Variants in DOP1B observed in about 807,000 individuals in gnomAD.
DOP1B encodes the protein protein DOP1B.
A neutral mutation model predicts 233.5 loss-of-function variants in DOP1B; 174 were observed. The ratio of observed to expected loss-of-function variants is 0.75; its 90% CI spans 0.66 to 0.85. The LOEUF is 0.85. Ranked by LOEUF, DOP1B falls within the 40% of genes least tolerant of loss-of-function variation. The probability of loss-of-function intolerance (pLI) is 0.00; values close to 1 mark genes in which losing one functional copy is unlikely to be tolerated. For missense variants in DOP1B, 2,652 were observed against 2,846.6 expected (o/e 0.93, Z 1.56); for synonymous variants, 1,190 against 1,185.6 (o/e 1.00, Z -0.08).
intron 2 of DOP1B, chr21:36,168,914 A>T (rs1568996699): frequency 2.0e-6 from 1 of 500,340 alleles, no homozygotes; most frequent in Middle Eastern, 5.8e-4. Flanking sequence ...TTAATTAATA[A>T]TTTTAAAAAA....
intron 2 of DOP1B, among the ~76,000 whole-genome samples, chr21:36,196,405 A>G (rs2835314): frequency 0.62 from 94,842 of 151,980 alleles, 29,875 homozygotes; most frequent in African/African-American, 0.72. Context: ...GAAATTGCCC[A>G]TGAGCAAATG....
Position 36,208,889 on chromosome 21 carries a change from C to G in DOP1B, c.666C>G (p.Thr222=). The G allele has an allele frequency of 6.5e-7, 1 of 1,535,384 alleles. No homozygotes were observed. Among genetic ancestry groups the G allele is most frequent in the Non-Finnish European group, 8.8e-7 (1 of 1,141,224 alleles). Residue 222 remains threonine (T), a synonymous_variant, in exon 5 of 37, where the codon ACC becomes ACG. Transcript: ENST00000691173. ...GGGAGCAGAAGTACATGCTGGGGAC[C>G]AATCACCAACTCACGGTGGGTGCTG... ...PGREQKYMLG[T]NHQLTVKSLR...
chr21:36,277,489 G>C (rs915629410), intron 28 of DOP1B, among the ~76,000 whole-genome samples: 5 of 151,842 alleles, frequency 3.3e-5, no homozygotes, highest in Non-Finnish European at 5.9e-5. Flanking sequence ...CACTGTGTTG[G>C]CCAGGATGGT....
At chr21:36,259,322 G>A (rs949698973) in intron 23 of DOP1B, among the ~76,000 whole-genome samples, 2 of 147,868 alleles carry the variant, frequency 1.4e-5, no homozygotes, top group Admixed American at 6.9e-5. Context: ...CTAGCCTAGA[G>A]TGCAGTGGCG....
intron 1 of DOP1B, among the ~76,000 whole-genome samples, 165 bp downstream of exon 1, chr21:36,157,108 G>T (rs533125855): frequency 6.6e-6 from 1 of 152,218 alleles, no homozygotes; most frequent in Admixed American, 6.5e-5. Context: ...ACCGGCGCGC[G>T]GCCCGGGCCT....
rs1304394336 is a variant in DOP1B, at chr21:36,169,949, T to TA, written c.138+5079dup. 6.5e-6 allele frequency: 5 copies of TA among 768,424 alleles called. No individual in the cohort carries two copies. The African/African-American group carries it at 8.5e-5, about 13-fold the overall frequency. The allele number at this position is 768,424 out of a possible 1,614,324, so 47.6% of individuals were successfully genotyped here. On this transcript the variant is annotated intron_variant, in intron 2 of 36. Transcript: ENST00000691173. ...ACCACCATAGGTGGTGTCTCCACAG[T>TA]AGTCATGGCCTCTACCACCTCCTTC...
At chr21:36,289,806 C>G (rs956203819) in intron 35 of DOP1B, among the ~76,000 whole-genome samples, 1 of 152,152 alleles carries the variant, frequency 6.6e-6, no homozygotes, top group Non-Finnish European at 1.5e-5. Context: ...AGGCTACACA[C>G]TGTATGATTC....
At chr21:36,242,151 C>CATTATTATT (rs78154894) in intron 18 of DOP1B, among the ~76,000 whole-genome samples, 3,844 of 143,842 alleles carry the variant, frequency 0.027, 167 homozygotes, top group African/African-American at 0.081. Flanking sequence ...GTTCCTTGGG[C>CATTATTATT]ATTATTATTA....
intron 15 of DOP1B, among the ~76,000 whole-genome samples, chr21:36,234,809 T>C (rs1238928857): frequency 6.6e-6 from 1 of 152,118 alleles, no homozygotes; most frequent in Non-Finnish European, 1.5e-5. Flanking sequence ...CCAAAGTGCC[T>C]TACAGGCGTG....
At chr21:36,233,121 T>G in intron 15 of DOP1B, 46 bp downstream of exon 15, 2 of 1,586,736 alleles carry the variant, frequency 1.3e-6, no homozygotes, top group Non-Finnish European at 1.7e-6. Context: ...CTTCTCCCCC[T>G]GAGCAAAACT....
intron 2 of DOP1B, among the ~76,000 whole-genome samples, chr21:36,183,937 C>A (rs1007067899): frequency 3.3e-5 from 5 of 151,848 alleles, no homozygotes; most frequent in Non-Finnish European, 7.4e-5. Flanking sequence ...AGTCTCAACT[C>A]ACTGCAACCT....
intron 2 of DOP1B, among the ~76,000 whole-genome samples, chr21:36,183,775 C>T (rs950626083): frequency 6.6e-6 from 1 of 152,162 alleles, no homozygotes; most frequent in Non-Finnish European, 1.5e-5. Flanking sequence ...TAGCTGCTGC[C>T]TTTTGGAGAG....
intron 2 of DOP1B, among the ~76,000 whole-genome samples, chr21:36,173,433 T>TC (rs1330908014): frequency 6.6e-6 from 1 of 151,336 alleles, no homozygotes; most frequent in Non-Finnish European, 1.5e-5. Context: ...TCTTTTTTTT[T>TC]TTTTTTGAGA....
intron 24 of DOP1B, chr21:36,261,665 T>C (rs2067173553): frequency 1.0e-6 from 1 of 984,828 alleles, no homozygotes; most frequent in African/African-American, 1.7e-5. Flanking sequence ...CCCAGCACTT[T>C]GGGAGGCTAG....
chr21:36,284,869 TTATTA>T (rs1426588514), intron 32 of DOP1B, among the ~76,000 whole-genome samples: 3 of 146,786 alleles, frequency 2.0e-5, no homozygotes, highest in East Asian at 3.9e-4. Flanking sequence ...TAACATGTAA[TTATTA>T]TATTTGTATT....
chr21:36,237,121 G>A (rs1360293719), intron 15 of DOP1B, 141 bp from the exon 16 acceptor site: 1 of 1,181,548 alleles, frequency 8.5e-7, no homozygotes, highest in Non-Finnish European at 1.2e-6. Flanking sequence ...TTGGTGATTT[G>A]TCTCTGAGCA....
At chr21:36,283,331 C>T (rs928671820) in intron 32 of DOP1B, among the ~76,000 whole-genome samples, 3 of 152,172 alleles carry the variant, frequency 2.0e-5, no homozygotes, top group Non-Finnish European at 4.4e-5. Context: ...GATCTGCCCA[C>T]CTTGGCCTCC....
rs1388397734 is a variant in DOP1B, at chr21:36,224,794, G to T, written c.1371-771G>T. ...CAACTAACAATAGTTGATTGGTGGG[G>T]TTACACTTCTCTACAGAAGCTGAAA... On this transcript the variant is annotated intron_variant, in intron 11 of 36. Transcript: ENST00000691173. 2.0e-5 allele frequency among the ~76,000 whole-genome samples: 3 copies of T among 151,458 alleles called. No individual in the cohort carries two copies. In the Admixed American group the frequency reaches 2.0e-4, roughly 10 times the overall value.
intron 2 of DOP1B, among the ~76,000 whole-genome samples, chr21:36,181,522 AC>A (rs1380262424): frequency 2.7e-5 from 4 of 146,566 alleles, no homozygotes; most frequent in Non-Finnish European, 6.0e-5. Context: ...CATGTGATCC[AC>A]CCCCCTCAGC....
Sources: gnomAD v4.1 joint callset for allele counts (sites outside exome capture counted in the v4.1 genomes callset) on GRCh38, gnomAD v4.1.1 for gene constraint, MANE v1.5 for transcripts, NCBI Gene and HGNC (gene_info 2026-07-23, HGNC 2026-07-21) for gene names.